ELAVL4: variants seen among roughly 807,000 people sequenced by gnomAD.
ELAVL4 encodes the protein ELAV-like protein 4.
In ELAVL4, 1 loss-of-function variant was observed where a neutral mutation model predicts 35.6. The ratio of observed to expected loss-of-function variants is 0.03; its 90% CI spans 0.01 to 0.13. The LOEUF (loss-of-function observed/expected upper bound fraction) is 0.13, where lower values mean the gene tolerates loss of function less well. Ranked by LOEUF, ELAVL4 falls within the 10% of genes least tolerant of loss-of-function variation. The probability of loss-of-function intolerance (pLI) is 1.00; values close to 1 mark genes in which losing one functional copy is unlikely to be tolerated. For synonymous variants in ELAVL4, 156 were observed against 171.0 expected, an observed-to-expected ratio of 0.91 and a Z score of 0.69; for missense variants, 267 against 464.9, an observed-to-expected ratio of 0.57 and a Z score of 3.91.
At chr1:50,166,088 A>G (rs527870253) in intron 2 of ELAVL4, among the ~76,000 whole-genome samples, 16 of 152,096 alleles carry the variant, frequency 1.1e-4, no homozygotes, top group Non-Finnish European at 2.2e-4. Context: ...CGTGCCCACT[A>G]GATTAAGGGT....
intron 5 of ELAVL4, among the ~76,000 whole-genome samples, chr1:50,197,090 T>C (rs1260737375): frequency 6.6e-6 from 1 of 152,174 alleles, no homozygotes; most frequent in African/African-American, 2.4e-5. Context: ...AGTAAAAAGG[T>C]GAACAATTTA....
chr1:50,182,808 G>A (rs1681248567), intron 3 of ELAVL4, among the ~76,000 whole-genome samples: 1 of 151,932 alleles, frequency 6.6e-6, no homozygotes, highest in African/African-American at 2.4e-5. Context: ...TATCGTGAAG[G>A]CAATATCAGC....
At chr1:50,128,566 G>C (rs372610373) in intron 1 of ELAVL4, among the ~76,000 whole-genome samples, 1 of 152,102 alleles carries the variant, frequency 6.6e-6, no homozygotes, top group East Asian at 1.9e-4. Context: ...AAGATAGGAG[G>C]CTGGAGAGTT....
At chr1:50,144,922 A>C (rs1175060159) in intron 1 of ELAVL4, 35 bp from the exon 2 acceptor site, 3 of 1,592,886 alleles carry the variant, frequency 1.9e-6, no homozygotes, top group Non-Finnish European at 2.6e-6. Flanking sequence ...CTGAGATTTC[A>C]AAAGGCTTTT....
chr1:50,118,795 C>G (rs890384145), intron 1 of ELAVL4, among the ~76,000 whole-genome samples: 15 of 151,610 alleles, frequency 9.9e-5, no homozygotes, highest in Non-Finnish European at 2.1e-4. Flanking sequence ...CTTGAAACAC[C>G]GATTTTGAAT....
chr1:50,128,848 G>A (rs960880591), intron 1 of ELAVL4, among the ~76,000 whole-genome samples: 7 of 152,100 alleles, frequency 4.6e-5, no homozygotes, highest in African/African-American at 1.7e-4. Flanking sequence ...AAAGAAGGAA[G>A]ATGGGAGTCA....
chr1:50,098,052 T>C (rs1023816517), intron 1 of ELAVL4, among the ~76,000 whole-genome samples: 2 of 152,214 alleles, frequency 1.3e-5, no homozygotes, highest in Admixed American at 6.5e-5. Context: ...ATAACATATA[T>C]GACACACATT....
intron 1 of ELAVL4, among the ~76,000 whole-genome samples, chr1:50,091,281 G>A (rs933978514): frequency 1.3e-5 from 2 of 152,192 alleles, no homozygotes; most frequent in African/African-American, 2.4e-5. Flanking sequence ...ACAGGAAACC[G>A]TAAGTGGATC....
At chr1:50,073,640 A>C (rs987331641) in intron 1 of ELAVL4, among the ~76,000 whole-genome samples, 3 of 152,180 alleles carry the variant, frequency 2.0e-5, no homozygotes, top group Non-Finnish European at 1.5e-5. Flanking sequence ...GTGGATACAC[A>C]CACACATGCA....
In ELAVL4 at chr1:50,139,577, G is replaced by A. The variant is rs1337545300; in HGVS notation, c.10-5380G>A. ...CATCTCTGTTTATCTAACATACCCA[G>A]ATCTAGCCATAGTGGAAGTAAACCC... On this transcript the variant is annotated intron_variant, in intron 1 of 6. Transcript: ENST00000371824. Among the ~76,000 whole-genome samples, 3 of 152,156 alleles carry A rather than the reference G, an allele frequency of 2.0e-5. No homozygotes were observed. The East Asian group carries it at 5.8e-4, about 29-fold the overall frequency.
At chr1:50,085,003 A>G (rs1229543895) in intron 1 of ELAVL4, among the ~76,000 whole-genome samples, 1 of 152,134 alleles carries the variant, frequency 6.6e-6, no homozygotes, top group Non-Finnish European at 1.5e-5. Flanking sequence ...TATCATTATG[A>G]TAGTTTCATA....
At chr1:50,083,483 A>C (rs1229965963) in intron 1 of ELAVL4, among the ~76,000 whole-genome samples, 1 of 152,158 alleles carries the variant, frequency 6.6e-6, no homozygotes, top group African/African-American at 2.4e-5. Context: ...TTAAGGTTGA[A>C]CTATAACTTG....
chr1:50,052,200 G>C (rs1663421748), intron 1 of ELAVL4, among the ~76,000 whole-genome samples: 1 of 152,172 alleles, frequency 6.6e-6, no homozygotes, highest in Non-Finnish European at 1.5e-5. Flanking sequence ...AAATAATTCA[G>C]CATGCAGAAT....
intron 2 of ELAVL4, among the ~76,000 whole-genome samples, chr1:50,159,476 G>A (rs1488658389): frequency 6.6e-6 from 1 of 152,140 alleles, no homozygotes; most frequent in Non-Finnish European, 1.5e-5. Context: ...GGGCTTTGTG[G>A]TGGGTGCCTG....
At chr1:50,058,703 C>A (rs1180443401) in intron 1 of ELAVL4, among the ~76,000 whole-genome samples, 1 of 151,866 alleles carries the variant, frequency 6.6e-6, no homozygotes, top group African/African-American at 2.4e-5. Context: ...AGCCTCCACC[C>A]CCCAGGCTCA....
intron 1 of ELAVL4, among the ~76,000 whole-genome samples, chr1:50,062,436 T>C (rs1212387032): frequency 1.3e-5 from 2 of 152,050 alleles, no homozygotes; most frequent in East Asian, 3.9e-4. Flanking sequence ...CCAAATTGAG[T>C]TGGGCATGAC....
At chr1:50,192,515 G>GCA (rs1220189674) in intron 3 of ELAVL4, among the ~76,000 whole-genome samples, 382 of 80,338 alleles carry the variant, frequency 4.8e-3, no homozygotes, top group Non-Finnish European at 7.4e-3. Flanking sequence ...GCTTTTGTGT[G>GCA]CACGCACACA....
At chr1:50,050,771 G>A (rs1017569679) in intron 1 of ELAVL4, among the ~76,000 whole-genome samples, 1 of 152,054 alleles carries the variant, frequency 6.6e-6, no homozygotes, top group South Asian at 2.1e-4. Context: ...TATGATAATG[G>A]ATATTATAAT....
chr1:50,135,418 G>A (rs1254445482), intron 1 of ELAVL4, among the ~76,000 whole-genome samples: 2 of 152,086 alleles, frequency 1.3e-5, no homozygotes, highest in Non-Finnish European at 2.9e-5. Context: ...TGAGGAGGGG[G>A]TGTCATTTGA....
Sources: allele counts gnomAD v4.1 joint callset (sites outside exome capture counted in the v4.1 genomes callset), GRCh38; gene constraint gnomAD v4.1.1; transcripts MANE v1.5; gene names NCBI Gene and HGNC (gene_info 2026-07-23, HGNC 2026-07-21).